CNTN5: variants seen among roughly 807,000 people sequenced by gnomAD.
The protein encoded by CNTN5 is contactin 5, also known as contactin-5.
A neutral mutation model predicts 129.1 loss-of-function variants in CNTN5; 77 were observed. That is an observed-to-expected ratio of 0.60 (90% CI 0.50 to 0.72). The LOEUF (loss-of-function observed/expected upper bound fraction) is 0.72. Ranked by LOEUF, CNTN5 falls within the 30% of genes least tolerant of loss-of-function variation. The pLI, the probability that CNTN5 is intolerant of heterozygous loss-of-function variation, is 0.00. For synonymous variants in CNTN5, 509 were observed against 465.6 expected (o/e 1.09, Z -1.20); for missense variants, 1,478 against 1,328.8 (o/e 1.11, Z -1.75).
At chr11:99,545,315 T>C (rs1191627989) in intron 2 of CNTN5, among the ~76,000 whole-genome samples, 1 of 152,226 alleles carries the variant, frequency 6.6e-6, no homozygotes, top group Non-Finnish European at 1.5e-5. Flanking sequence ...AATTTAGCCC[T>C]GTGGTTTCGA....
At chr11:99,149,169 C>T (rs183053129) in intron 1 of CNTN5, among the ~76,000 whole-genome samples, 1 of 152,084 alleles carries the variant, frequency 6.6e-6, no homozygotes, top group African/African-American at 2.4e-5. Flanking sequence ...CCAACGAATG[C>T]ATTAACTTTA....
At chr11:100,006,188 T>C (rs1847213375) in intron 9 of CNTN5, among the ~76,000 whole-genome samples, 1 of 152,166 alleles carries the variant, frequency 6.6e-6, no homozygotes, top group Non-Finnish European at 1.5e-5. Context: ...TGCTAAAAAT[T>C]GCTCATGCTG....
chr11:99,343,766 G>T (rs935815251), intron 2 of CNTN5, among the ~76,000 whole-genome samples: 1 of 151,850 alleles, frequency 6.6e-6, no homozygotes, highest in Non-Finnish European at 1.5e-5. Context: ...ACCACATTTC[G>T]ACCTACAAAA....
intron 13 of CNTN5, among the ~76,000 whole-genome samples, chr11:100,151,585 T>C (rs1049994045): frequency 6.6e-6 from 1 of 152,162 alleles, no homozygotes; most frequent in Non-Finnish European, 1.5e-5. Flanking sequence ...ACTTATAGGT[T>C]TCCCTACGTT....
intron 6 of CNTN5, among the ~76,000 whole-genome samples, chr11:99,887,007 G>A (rs946256917): frequency 6.6e-6 from 1 of 152,100 alleles, no homozygotes; most frequent in East Asian, 1.9e-4. Flanking sequence ...TACTAGTCAG[G>A]TTCTGTTTCT....
intron 3 of CNTN5, among the ~76,000 whole-genome samples, chr11:99,655,050 G>A (rs679179): frequency 0.61 from 92,859 of 151,720 alleles, 29,373 homozygotes; most frequent in Admixed American, 0.7. Flanking sequence ...GAAGTCATGG[G>A]CCAGGGAGAT....
chr11:99,659,009 T>G (rs1952497370), intron 3 of CNTN5, among the ~76,000 whole-genome samples: 1 of 152,050 alleles, frequency 6.6e-6, no homozygotes, highest in African/African-American at 2.4e-5. Flanking sequence ...AAACATCATT[T>G]TATATTGTGC....
chr11:99,915,912 T>G (rs78779843), intron 6 of CNTN5, 142 bp from the exon 7 acceptor site: 1 of 620,604 alleles, frequency 1.6e-6, no homozygotes, highest in Admixed American at 2.7e-5. Context: ...GATGTAGATA[T>G]ATGTTAAAGC....
chr11:100,319,087 A>G (rs576424646), intron 21 of CNTN5, among the ~76,000 whole-genome samples: 45 of 151,942 alleles, frequency 3.0e-4, no homozygotes, highest in African/African-American at 1.1e-3. Flanking sequence ...TGGGTCTCCT[A>G]TAGTCATTAT....
intron 1 of CNTN5, among the ~76,000 whole-genome samples, chr11:99,299,388 G>A (rs576531904): frequency 3.3e-5 from 5 of 152,056 alleles, no homozygotes; most frequent in Non-Finnish European, 7.4e-5. Flanking sequence ...TATAAAGTTG[G>A]CAAGTATATT....
chr11:99,143,054 A>C (rs1295679968), intron 1 of CNTN5, among the ~76,000 whole-genome samples: 1 of 151,794 alleles, frequency 6.6e-6, no homozygotes, highest in African/African-American at 2.4e-5. Context: ...GTAATGTGTC[A>C]GTCTACTTTA....
chr11:99,325,092 T>A (rs186989207), intron 1 of CNTN5, among the ~76,000 whole-genome samples: 1 of 152,198 alleles, frequency 6.6e-6, no homozygotes, highest in African/African-American at 2.4e-5. Context: ...TTGTAGCCCA[T>A]GTAAGCTTAG....
chr11:100,025,915 G>A (rs1203139108), intron 9 of CNTN5, among the ~76,000 whole-genome samples: 1 of 152,146 alleles, frequency 6.6e-6, no homozygotes, highest in Non-Finnish European at 1.5e-5. Flanking sequence ...ATGAGACTTT[G>A]GACTTGGACT....
rs118099386 is a variant in CNTN5 at position 99,491,684 on chromosome 11, G to A, written c.-70-64461G>A. On this transcript the variant is annotated intron_variant, in intron 2 of 24. Transcript: ENST00000524871. ...TTCCTTGAGAAGGACTCTTAACTGA[G>A]GCTTTACCAGGCCAGTTATCTAACT... is the stretch of plus-strand genomic sequence containing the variant. Among the ~76,000 whole-genome samples the A allele has an allele frequency of 4.0e-3, 614 of 152,230 alleles. 22 individuals are homozygous for A. In the East Asian group the frequency reaches 0.094, roughly 23 times the overall value.
At position 99,965,029 on chromosome 11, in the gene CNTN5, C is replaced by T. The variant is rs370602957; in HGVS notation, c.877+8020C>T. Among the ~76,000 whole-genome samples the T allele has an allele frequency of 9.6e-4, 146 of 152,002 alleles. 3 individuals are homozygous for T. The South Asian group carries it at 0.026, about 28-fold the overall frequency. Reference sequence around the variant, plus strand: ...ATATCCCCTTTATCATTTTTTATTGCGTCTATTTGATTCTTCTCTGTTTTC... The same window carrying T: ...ATATCCCCTTTATCATTTTTTATTGTGTCTATTTGATTCTTCTCTGTTTTC... On this transcript the variant is annotated intron_variant, in intron 8 of 24. Transcript: ENST00000524871.
chr11:99,170,872 G>A (rs1334643480), intron 1 of CNTN5, among the ~76,000 whole-genome samples: 1 of 152,142 alleles, frequency 6.6e-6, no homozygotes, highest in East Asian at 1.9e-4. Flanking sequence ...AAGTCATGGT[G>A]TTACCACAAA....
At chr11:99,922,387 G>A (rs749827863) in intron 7 of CNTN5, among the ~76,000 whole-genome samples, 2 of 152,198 alleles carry the variant, frequency 1.3e-5, no homozygotes, top group African/African-American at 2.4e-5. Flanking sequence ...CCAAATTACA[G>A]AGGAAGTGAG....
intron 16 of CNTN5, among the ~76,000 whole-genome samples, chr11:100,228,762 C>G (rs1454865341): frequency 6.6e-6 from 1 of 152,180 alleles, no homozygotes; most frequent in African/African-American, 2.4e-5. Context: ...TCTACATCCT[C>G]TAGTCCTCCA....
chr11:100,086,827 T>A (rs2137966312), intron 13 of CNTN5, among the ~76,000 whole-genome samples: 1 of 151,492 alleles, frequency 6.6e-6, no homozygotes, highest in Middle Eastern at 3.4e-3. Context: ...TAGTATAAAA[T>A]TTCCCCACTA....
Sources: gnomAD v4.1 joint callset for allele counts (sites outside exome capture counted in the v4.1 genomes callset) on GRCh38, gnomAD v4.1.1 for gene constraint, MANE v1.5 for transcripts, NCBI Gene and HGNC (gene_info 2026-07-23, HGNC 2026-07-21) for gene names.